ANKFN1: variants seen among roughly 807,000 people sequenced by gnomAD.
ANKFN1 encodes the protein ankyrin repeat and fibronectin type III domain containing 1, also known as ankyrin repeat and fibronectin type-III domain-containing protein 1.
Under a neutral mutation model 108.7 loss-of-function variants are expected in ANKFN1, and 74 were observed. The observed-to-expected ratio is 0.68, with a 90% CI of 0.56 to 0.83. The LOEUF (loss-of-function observed/expected upper bound fraction) is 0.83. ANKFN1 is among the 40% of genes least tolerant of loss of function. The probability of loss-of-function intolerance (pLI) is 0.00; values close to 1 mark genes in which losing one functional copy is unlikely to be tolerated. For missense variants in ANKFN1, 1,505 were observed against 1,382.3 expected, an observed-to-expected ratio of 1.09 and a Z score of -1.41; for synonymous variants, 547 against 516.2, an observed-to-expected ratio of 1.06 and a Z score of -0.81.
chr17:56,282,061 T>C (rs2044096831), intron 3 of ANKFN1, among the ~76,000 whole-genome samples: 1 of 152,312 alleles, frequency 6.6e-6, no homozygotes, highest in Non-Finnish European at 1.5e-5. Flanking sequence ...TTATTCATCA[T>C]AGCCCCAAAG....
upstream of ANKFN1, among the ~76,000 whole-genome samples, chr17:56,151,842 T>C (rs1401135926): frequency 1.3e-5 from 2 of 152,214 alleles, no homozygotes; most frequent in Non-Finnish European, 2.9e-5. Context: ...GGGCAGATAC[T>C]ATACCTTCAC....
chr17:56,323,702 G>T (rs1057435170), intron 3 of ANKFN1, among the ~76,000 whole-genome samples: 7 of 152,128 alleles, frequency 4.6e-5, no homozygotes, highest in Non-Finnish European at 8.8e-5. Context: ...ATTACTTGAG[G>T]TGATTTATGT....
intron 4 of ANKFN1, among the ~76,000 whole-genome samples, chr17:56,096,111 A>C (rs1182681983): frequency 6.6e-6 from 1 of 152,236 alleles, no homozygotes; most frequent in East Asian, 1.9e-4. Flanking sequence ...ATTTATGGAC[A>C]GGTCCTGGCA....
intron 3 of ANKFN1, among the ~76,000 whole-genome samples, chr17:56,295,703 G>A (rs1367185148): frequency 6.6e-6 from 1 of 152,196 alleles, no homozygotes; most frequent in Non-Finnish European, 1.5e-5. Flanking sequence ...ATATTAAACA[G>A]GAATTTTTTC....
chr17:56,492,744 A>G (rs888889636), intron 19 of ANKFN1, among the ~76,000 whole-genome samples: 4 of 152,236 alleles, frequency 2.6e-5, no homozygotes, highest in Admixed American at 2.6e-4. Flanking sequence ...AAATAAAATG[A>G]CCTACCAGTT....
chr17:56,360,879 T>C (rs1261968991), intron 6 of ANKFN1, among the ~76,000 whole-genome samples: 3 of 152,200 alleles, frequency 2.0e-5, no homozygotes, highest in Admixed American at 2.0e-4. Context: ...GTAAAGATTA[T>C]CATAATCAAA....
chr17:56,245,285 A>G (rs1917878702), intron 3 of ANKFN1, among the ~76,000 whole-genome samples: 1 of 152,080 alleles, frequency 6.6e-6, no homozygotes, highest in Non-Finnish European at 1.5e-5. Context: ...ACTCTCATAA[A>G]GAGCTTGTCA....
intron 3 of ANKFN1, among the ~76,000 whole-genome samples, chr17:56,300,432 A>G (rs773448818): frequency 6.6e-6 from 1 of 152,086 alleles, no homozygotes; most frequent in African/African-American, 2.4e-5. Context: ...TTTTAAGCCC[A>G]TGTGTATTTT....
At chr17:56,122,547 T>C (rs999789006) in intron 4 of ANKFN1, among the ~76,000 whole-genome samples, 1 of 152,132 alleles carries the variant, frequency 6.6e-6, no homozygotes, top group African/African-American at 2.4e-5. Flanking sequence ...TTCATCCCTG[T>C]CCACATCTCA....
intron 4 of ANKFN1, among the ~76,000 whole-genome samples, chr17:56,094,688 TTTTTTGTA>T (rs1905496389): frequency 6.8e-6 from 1 of 146,956 alleles, no homozygotes; most frequent in Non-Finnish European, 1.5e-5. Context: ...TTTTTTTTTT[TTTTTTGTA>T]TTTTTAGTAG....
At chr17:56,227,309 A>G (rs1170713735) in intron 2 of ANKFN1, among the ~76,000 whole-genome samples, 1 of 152,164 alleles carries the variant, frequency 6.6e-6, no homozygotes, top group Non-Finnish European at 1.5e-5. Context: ...TTCCAAGCAT[A>G]GGCACAGTCT....
intron 4 of ANKFN1, among the ~76,000 whole-genome samples, chr17:56,054,446 CG>C (rs1904830487): frequency 6.6e-6 from 1 of 152,082 alleles, no homozygotes; most frequent in Non-Finnish European, 1.5e-5. Flanking sequence ...AGAGACATTG[CG>C]GGTTTGGTTT....
chr17:56,487,525 C>CA (rs528515094), intron 18 of ANKFN1, among the ~76,000 whole-genome samples: 2,680 of 138,574 alleles, frequency 0.019, 37 homozygotes, highest in Non-Finnish European at 0.027. Context: ...ACTAGAAAGA[C>CA]AAAAAAAAAA....
At chr17:56,344,176 A>C (rs1451170042) in intron 4 of ANKFN1, among the ~76,000 whole-genome samples, 1 of 151,944 alleles carries the variant, frequency 6.6e-6, no homozygotes, top group Non-Finnish European at 1.5e-5. Context: ...GCATTTTATT[A>C]ATGATGTAGC....
intron 4 of ANKFN1, among the ~76,000 whole-genome samples, chr17:56,107,890 T>A (rs1269018947): frequency 6.6e-6 from 1 of 152,204 alleles, no homozygotes; most frequent in Non-Finnish European, 1.5e-5. Context: ...TGAGACAAAG[T>A]CTTGCTCTGT....
chr17:56,235,128 C>G (rs1917029543), intron 3 of ANKFN1, among the ~76,000 whole-genome samples: 1 of 152,038 alleles, frequency 6.6e-6, no homozygotes, highest in African/African-American at 2.4e-5. Flanking sequence ...TTTTCATATG[C>G]CTGTCAGCCA....
chr17:56,325,908 C>T (rs574744922), intron 3 of ANKFN1, among the ~76,000 whole-genome samples: 3 of 152,196 alleles, frequency 2.0e-5, no homozygotes, highest in South Asian at 2.1e-4. Context: ...ACAGTCGGTT[C>T]GGATTCAGTC....
chr17:56,188,839 G>C lies in ANKFN1; in HGVS notation c.-70-23759G>C, dbSNP rs559063425. ...CTTGATGAGCTCCTAGATGGCTTCA[G>C]GATGGGGGCTAGTCACCAGAAAGAC... On this transcript the variant is annotated intron_variant, in intron 1 of 20. Coordinates refer to ENST00000682825, the MANE Select transcript of ANKFN1 (RefSeq NM_001370326.1). 8.6e-5 allele frequency among the ~76,000 whole-genome samples: 13 copies of C among 151,804 alleles called. No homozygotes were observed. In the East Asian group the frequency reaches 2.5e-3, roughly 30 times the overall value.
chr17:56,201,548 C>T (rs559121851), intron 1 of ANKFN1, among the ~76,000 whole-genome samples: 1 of 152,080 alleles, frequency 6.6e-6, no homozygotes, highest in African/African-American at 2.4e-5. Context: ...TATAATGTAT[C>T]CTTAATAAAT....
Sources: gnomAD v4.1 joint callset for allele counts (sites outside exome capture counted in the v4.1 genomes callset) on GRCh38, gnomAD v4.1.1 for gene constraint, MANE v1.5 for transcripts, NCBI Gene and HGNC (gene_info 2026-07-23, HGNC 2026-07-21) for gene names.